EBF1: variants seen among roughly 807,000 people sequenced by gnomAD.
EBF1 encodes the protein transcription factor COE1.
Under a neutral mutation model 68.4 loss-of-function variants are expected in EBF1, and 10 were observed. That is an observed-to-expected ratio of 0.15 (90% CI 0.09 to 0.25). The LOEUF (loss-of-function observed/expected upper bound fraction) is 0.25, where lower values mean the gene tolerates loss of function less well. Among genes scored for constraint, EBF1 ranks in the 10% least tolerant of loss-of-function variants. EBF1 has a pLI of 1.00. For synonymous variants in EBF1, 298 were observed against 299.8 expected (o/e 0.99, Z 0.06); for missense variants, 509 against 794.4 (o/e 0.64, Z 4.32).
At chr5:159,050,174 CTCTCTCTT>C (rs1773270734) in intron 6 of EBF1, among the ~76,000 whole-genome samples, 1 of 148,504 alleles carries the variant, frequency 6.7e-6, no homozygotes, top group Non-Finnish European at 1.5e-5. Flanking sequence ...CTCTCTCTCT[CTCTCTCTT>C]CTCTCTTTTC....
intron 6 of EBF1, among the ~76,000 whole-genome samples, chr5:158,848,631 A>G (rs1447206778): frequency 6.6e-6 from 1 of 152,228 alleles, no homozygotes; most frequent in Non-Finnish European, 1.5e-5. Flanking sequence ...ATTATACTAT[A>G]TGTAATTATG....
At chr5:158,908,818 G>C (rs1348409511) in intron 6 of EBF1, among the ~76,000 whole-genome samples, 1 of 152,200 alleles carries the variant, frequency 6.6e-6, no homozygotes, top group East Asian at 1.9e-4. Context: ...AACCAGGACG[G>C]GTTGGCTCTT....
At chr5:158,955,517 C>T (rs1471657927) in intron 6 of EBF1, among the ~76,000 whole-genome samples, 1 of 152,094 alleles carries the variant, frequency 6.6e-6, no homozygotes, top group Non-Finnish European at 1.5e-5. Flanking sequence ...GCACAGGGGC[C>T]AGAGTGAGAC....
intron 6 of EBF1, among the ~76,000 whole-genome samples, chr5:158,871,482 T>C (rs1796863716): frequency 6.6e-6 from 1 of 152,124 alleles, no homozygotes; most frequent in Admixed American, 6.5e-5. Flanking sequence ...ACAATCAAAA[T>C]AGGGAGGAAA....
At chr5:158,711,965 G>T (rs1418348809) in intron 14 of EBF1, among the ~76,000 whole-genome samples, 189 bp downstream of exon 14, 2 of 152,218 alleles carry the variant, frequency 1.3e-5, no homozygotes, top group Non-Finnish European at 2.9e-5. Flanking sequence ...GAAGGAAGGT[G>T]AGCACTGGAG....
chr5:159,041,349 T>A (rs369717726), intron 6 of EBF1, among the ~76,000 whole-genome samples: 2 of 152,352 alleles, frequency 1.3e-5, no homozygotes, highest in African/African-American at 4.8e-5. Flanking sequence ...TTTCATGAAG[T>A]AGAAATCTTT....
At chr5:158,978,835 C>CACACACACACAGAG (rs753714441) in intron 6 of EBF1, among the ~76,000 whole-genome samples, 2 of 147,050 alleles carry the variant, frequency 1.4e-5, no homozygotes, top group Middle Eastern at 3.5e-3. Flanking sequence ...CACACACACA[C>CACACACACACAGAG]AGAGAGAGAG....
intron 6 of EBF1, among the ~76,000 whole-genome samples, chr5:159,042,860 TAAA>T (rs35868531): frequency 0.081 from 12,021 of 147,920 alleles, 505 homozygotes; most frequent in Middle Eastern, 0.12. Context: ...ACATTCACAG[TAAA>T]AAAAAAAAAA....
In EBF1 at chr5:158,796,338, C is replaced by T; in HGVS notation, c.909+7G>A. On this transcript the variant is annotated splice_region_variant and intron_variant, in intron 9 of 15. Coordinates refer to ENST00000313708, the MANE Select transcript of EBF1 (RefSeq NM_024007.5). ...CTATTAGATATTAATGTTCAGACAA[C>T]ACCTACCTCACTCCAGACCAGCATG... The T allele has an allele frequency of 6.2e-7, 1 of 1,608,938 alleles. No homozygotes were observed. The highest frequency in any genetic ancestry group is 1.3e-5 in the African/African-American group (1 of 74,876).
chr5:158,880,182 G>C (rs1798614872), intron 6 of EBF1, among the ~76,000 whole-genome samples: 1 of 152,186 alleles, frequency 6.6e-6, no homozygotes, highest in African/African-American at 2.4e-5. Flanking sequence ...CTCTGAGAAA[G>C]GGAGGATGAG....
At chr5:159,051,382 AGGCCCCGCCTCG>A (rs1037996356) in intron 6 of EBF1, among the ~76,000 whole-genome samples, 1 of 76,614 alleles carries the variant, frequency 1.3e-5, no homozygotes, top group Non-Finnish European at 2.4e-5. Flanking sequence ...GGTGAGCGCT[AGGCCCCGCCTCG>A]GGCCGCATTC....
chr5:159,046,470 T>C (rs1772423241), intron 6 of EBF1, among the ~76,000 whole-genome samples: 1 of 152,186 alleles, frequency 6.6e-6, no homozygotes, highest in Non-Finnish European at 1.5e-5. Context: ...GCCATGGGCC[T>C]AAGTGGAGTG....
chr5:158,705,902 A>G (rs1309725438), intron 15 of EBF1, among the ~76,000 whole-genome samples: 2 of 152,196 alleles, frequency 1.3e-5, no homozygotes, highest in Non-Finnish European at 2.9e-5. Context: ...AAACCCCATC[A>G]TATCTTGTTT....
intron 6 of EBF1, among the ~76,000 whole-genome samples, chr5:159,029,043 T>C (rs2127737271): frequency 6.6e-6 from 1 of 152,370 alleles, no homozygotes; most frequent in East Asian, 1.9e-4. Context: ...ATCTTTATTC[T>C]ATAAAGCCTT....
intron 6 of EBF1, among the ~76,000 whole-genome samples, chr5:158,847,972 G>A (rs926207857): frequency 1.4e-4 from 21 of 152,056 alleles, no homozygotes; most frequent in African/African-American, 3.4e-4. Flanking sequence ...CAGTAACAGC[G>A]ACCCACCCCA....
intron 8 of EBF1, among the ~76,000 whole-genome samples, chr5:158,819,453 A>G (rs192136341): frequency 6.6e-6 from 1 of 152,354 alleles, no homozygotes; most frequent in East Asian, 1.9e-4. Context: ...CACAGGGGGA[A>G]GAAACAGAGA....
At chr5:158,962,512 A>G (rs1753222244) in intron 6 of EBF1, among the ~76,000 whole-genome samples, 1 of 152,212 alleles carries the variant, frequency 6.6e-6, no homozygotes, top group Non-Finnish European at 1.5e-5. Context: ...AGTTTCTAGA[A>G]TCATGAAGTT....
At chr5:159,094,944 A>G (rs1782322113) in intron 4 of EBF1, among the ~76,000 whole-genome samples, 1 of 152,148 alleles carries the variant, frequency 6.6e-6, no homozygotes, top group Non-Finnish European at 1.5e-5. Context: ...CTTAATGTAT[A>G]CTGCTTGACA....
At chr5:158,897,361 T>C (rs536168447) in intron 6 of EBF1, among the ~76,000 whole-genome samples, 1 of 152,088 alleles carries the variant, frequency 6.6e-6, no homozygotes, top group Admixed American at 6.6e-5. Flanking sequence ...GGAAGCTAAA[T>C]GATGAGAACA....
Sources: gnomAD v4.1 joint callset for allele counts (sites outside exome capture counted in the v4.1 genomes callset) on GRCh38, gnomAD v4.1.1 for gene constraint, MANE v1.5 for transcripts, NCBI Gene and HGNC (gene_info 2026-07-23, HGNC 2026-07-21) for gene names.